Variants in SASS6 observed in about 807,000 individuals in gnomAD.
The protein encoded by SASS6 is SAS-6 centriolar assembly protein.
SASS6 carries 59 observed loss-of-function variants against 94.9 expected under a neutral mutation model. The ratio of observed to expected loss-of-function variants is 0.62; its 90% CI spans 0.50 to 0.77. The LOEUF (loss-of-function observed/expected upper bound fraction) is 0.77. SASS6 is among the 30% of genes least tolerant of loss of function. The pLI is 0.00. For synonymous variants in SASS6, 264 were observed against 270.0 expected (o/e 0.98, Z 0.22); for missense variants, 698 against 734.1 (o/e 0.95, Z 0.57).
intron 14 of SASS6, among the ~76,000 whole-genome samples, chr1:100,097,028 T>C (rs183721996): frequency 1.4e-4 from 22 of 152,252 alleles, no homozygotes; most frequent in Admixed American, 9.8e-4. Context: ...GGCATGAGAA[T>C]TGCTTGAACC....
intron 1 of SASS6, among the ~76,000 whole-genome samples, chr1:100,126,355 C>A (rs568114488): frequency 1.3e-5 from 2 of 152,154 alleles, no homozygotes; most frequent in Non-Finnish European, 2.9e-5. Flanking sequence ...ACCTCATATA[C>A]CCTTACTGCC....
chr1:100,090,224 T>C (rs1449153442), intron 14 of SASS6, among the ~76,000 whole-genome samples: 1 of 152,242 alleles, frequency 6.6e-6, no homozygotes, highest in Non-Finnish European at 1.5e-5. Context: ...GTAAAACTTA[T>C]TATATGCATT....
chr1:100,086,751 G>T (rs1030469161), intron 15 of SASS6, among the ~76,000 whole-genome samples: 2 of 151,826 alleles, frequency 1.3e-5, no homozygotes, highest in Non-Finnish European at 2.9e-5. Flanking sequence ...CAGGATCATG[G>T]CTCACTGCAG....
intron 14 of SASS6, among the ~76,000 whole-genome samples, chr1:100,090,171 G>T (rs1383708946): frequency 6.6e-6 from 1 of 152,010 alleles, no homozygotes; most frequent in Non-Finnish European, 1.5e-5. Flanking sequence ...AAACAGAAAA[G>T]GGAGGCAAGA....
intron 6 of SASS6, 44 bp from the exon 7 acceptor site, chr1:100,119,181 T>G (rs1205993409): frequency 8.7e-7 from 1 of 1,146,164 alleles, no homozygotes; most frequent in Non-Finnish European, 1.2e-6. Flanking sequence ...GGCTCCTTAA[T>G]ATGTAATAAT....
chr1:100,119,138 CTACAT>C lies in SASS6; in HGVS notation c.550-6_550-2del. On this transcript the variant is annotated splice_acceptor_variant and splice_polypyrimidine_tract_variant and intron_variant, in intron 6 of 16. Transcript: ENST00000287482. LOFTEE classifies it high-confidence loss of function. ...ATTCTTGTTTTTTTTCTGCTAATGT[CTACAT>C]TAGAGTTTAACACAAAATATTAAGA... The C allele has an allele frequency of 6.6e-7, 1 of 1,517,772 alleles. No individual in the cohort carries two copies. The highest frequency in any genetic ancestry group is 9.0e-7 in the Non-Finnish European group (1 of 1,108,774). 94.0% of individuals were successfully genotyped at this position (1,517,772 alleles called of 1,614,324 possible). A position where few individuals can be genotyped will look rare whatever the true frequency, so the allele number is the denominator to read the frequency against.
chr1:100,083,652 A>G lies in SASS6; in HGVS notation c.*1676T>C, dbSNP rs1458332617. Reference sequence around the variant, plus strand: ...TGCAACACTTTTTGATTATTAACACATGTACAATTTTACACTGCAAAACAA... The same window carrying G: ...TGCAACACTTTTTGATTATTAACACGTGTACAATTTTACACTGCAAAACAA... On this transcript the variant is annotated 3_prime_UTR_variant, in exon 17 of 17. Transcript: ENST00000287482. 6.6e-6 allele frequency: 1 copy of G among 151,928 alleles called. No individual in the cohort carries two copies. Among genetic ancestry groups the G allele is most frequent in the Non-Finnish European group, 1.5e-5 (1 of 67,918 alleles). The allele number at this position is 151,928 out of a possible 1,614,324, so 9.4% of individuals were successfully genotyped here. A position where few individuals can be genotyped will look rare whatever the true frequency, so the allele number is the denominator to read the frequency against.
At chr1:100,126,041 C>T in intron 1 of SASS6, 99 bp from the exon 2 acceptor site, 1 of 631,212 alleles carries the variant, frequency 1.6e-6, no homozygotes, top group East Asian at 3.0e-5. Context: ...ACAAGACTTT[C>T]CACAGGTGTT....
chr1:100,107,600 A>G (rs562415123), intron 10 of SASS6, 28 bp downstream of exon 10: 4 of 1,553,092 alleles, frequency 2.6e-6, no homozygotes, highest in East Asian at 4.5e-5. Flanking sequence ...TTAATGAAAT[A>G]CTAGTCTATA....
chr1:100,132,181 T>C (rs747484184), intron 1 of SASS6, among the ~76,000 whole-genome samples: 1 of 152,222 alleles, frequency 6.6e-6, no homozygotes, highest in Non-Finnish European at 1.5e-5. Context: ...GGAGGCAATA[T>C]TTATTGAATG....
At chr1:100,129,446 T>C (rs1654851824) in intron 1 of SASS6, among the ~76,000 whole-genome samples, 1 of 152,138 alleles carries the variant, frequency 6.6e-6, no homozygotes, top group African/African-American at 2.4e-5. Context: ...TATCATCTTA[T>C]TTAACAATAA....
chr1:100,126,609 T>G (rs1654640506), intron 1 of SASS6, among the ~76,000 whole-genome samples: 1 of 151,938 alleles, frequency 6.6e-6, no homozygotes, highest in African/African-American at 2.4e-5. Flanking sequence ...AAACCTCATC[T>G]CTACAAAAAA....
chr1:100,085,145 TCCC>T lies in SASS6; in HGVS notation c.*180_*182del. 3 of 535,934 alleles carry T rather than the reference TCCC, an allele frequency of 5.6e-6. No homozygotes were observed. Among genetic ancestry groups the T allele is most frequent in the Non-Finnish European group, 1.0e-5 (3 of 299,400 alleles). The allele number at this position is 535,934 out of a possible 1,614,324, so 33.2% of individuals were successfully genotyped here. On this transcript the variant is annotated 3_prime_UTR_variant, in exon 17 of 17. Transcript: ENST00000287482. ...GTCATTTACTCACAATCTTTACCAA[TCCC>T]CAAGTACAAATTTGTTCCTATATTA...
chr1:100,109,229 G>A (rs1357740141), intron 8 of SASS6, among the ~76,000 whole-genome samples: 1 of 151,946 alleles, frequency 6.6e-6, no homozygotes, highest in Non-Finnish European at 1.5e-5. Context: ...ATCTATTATT[G>A]GGGCAAAACA....
chr1:100,129,144 G>A (rs1262001287), intron 1 of SASS6, among the ~76,000 whole-genome samples: 1 of 151,984 alleles, frequency 6.6e-6, no homozygotes, highest in Non-Finnish European at 1.5e-5. Context: ...GGAAGCTGAA[G>A]CAGGAGAGCT....
At chr1:100,123,993 C>A (rs1012574550) in intron 2 of SASS6, among the ~76,000 whole-genome samples, 1 of 152,160 alleles carries the variant, frequency 6.6e-6, no homozygotes, top group African/African-American at 2.4e-5. Context: ...GAAAGAAAAA[C>A]AGCATTAGTT....
At position 100,091,385 on chromosome 1, in the gene SASS6, A is replaced by T. The variant is rs538254935; in HGVS notation, c.1675-3149T>A. Among the ~76,000 whole-genome samples, 7 of 152,246 alleles carry T rather than the reference A, an allele frequency of 4.6e-5. No individual in the cohort carries two copies. The South Asian group carries it at 6.2e-4, about 14-fold the overall frequency. ...AGACTGATTGTTTGCTTAAAAAAAAATCACATTCTCCTCAGGATTTAAACA... is the reference window on the plus strand; with the variant it reads ...AGACTGATTGTTTGCTTAAAAAAAATTCACATTCTCCTCAGGATTTAAACA... On this transcript the variant is annotated intron_variant, in intron 14 of 16. Coordinates refer to ENST00000287482, the MANE Select transcript of SASS6 (RefSeq NM_194292.3).
At chr1:100,121,096 C>T (rs1200695051) in intron 5 of SASS6, among the ~76,000 whole-genome samples, 1 of 151,490 alleles carries the variant, frequency 6.6e-6, no homozygotes, top group East Asian at 1.9e-4. Context: ...GTAGCTATTT[C>T]CATACATGTC....
At chr1:100,107,767 A>C (rs751480305) in intron 9 of SASS6, 43 bp downstream of exon 9, 2 of 1,551,688 alleles carry the variant, frequency 1.3e-6, no homozygotes, top group Non-Finnish European at 1.8e-6. Flanking sequence ...GTGTTTACTT[A>C]TAAATATGAT....
Sources: allele counts gnomAD v4.1 joint callset (sites outside exome capture counted in the v4.1 genomes callset), GRCh38; gene constraint gnomAD v4.1.1; transcripts MANE v1.5; gene names NCBI Gene and HGNC (gene_info 2026-07-23, HGNC 2026-07-21).